MAP2K4: variants seen among roughly 807,000 people sequenced by gnomAD.
The protein encoded by MAP2K4 is mitogen-activated protein kinase kinase 4.
MAP2K4 carries 4 observed loss-of-function variants against 48.5 expected under a neutral mutation model. The observed-to-expected ratio is 0.08, with a 90% CI of 0.04 to 0.19. The LOEUF is 0.19. MAP2K4 is among the 10% of genes least tolerant of loss of function. MAP2K4 has a pLI of 1.00. For missense variants in MAP2K4, 258 were observed against 493.3 expected, an observed-to-expected ratio of 0.52 and a Z score of 4.52; for synonymous variants, 166 against 173.1, an observed-to-expected ratio of 0.96 and a Z score of 0.32.
chr17:12,076,079 A>G (rs925467757), intron 2 of MAP2K4, among the ~76,000 whole-genome samples: 1 of 152,152 alleles, frequency 6.6e-6, no homozygotes, highest in African/African-American at 2.4e-5. Context: ...CACTGCATCT[A>G]ATAGAGGGTG....
At chr17:12,037,317 A>C (rs537866626) in intron 1 of MAP2K4, among the ~76,000 whole-genome samples, 1 of 152,298 alleles carries the variant, frequency 6.6e-6, no homozygotes, top group African/African-American at 2.4e-5. Flanking sequence ...GAAATTTGGG[A>C]AAGATACTAA....
chr17:12,134,247 A>G (rs933937409), intron 9 of MAP2K4, among the ~76,000 whole-genome samples: 24 of 152,268 alleles, frequency 1.6e-4, no homozygotes, highest in African/African-American at 5.3e-4. Context: ...ACTGTGATAA[A>G]GAAAAATCAC....
chr17:12,110,377 T>C lies in MAP2K4; in HGVS notation c.636T>C (p.Thr212=). 1 of 1,609,906 alleles carries C rather than the reference T, an allele frequency of 6.2e-7. No individual in the cohort carries two copies. Among genetic ancestry groups the C allele is most frequent in the Non-Finnish European group, 8.5e-7 (1 of 1,176,670 alleles). The change falls in exon 6 of 11, where the codon ACT becomes ACC. Residue 212 remains threonine, a splice_region_variant and synonymous_variant. Coordinates refer to ENST00000353533, the MANE Select transcript of MAP2K4 (RefSeq NM_003010.4). ...CCATCTCTCCTTTTTCTCCCTAGAC[T>C]GTGAAAGCACTAAACCACTTAAAAG... ...EEILGKITLA[T]VKALNHLKEN...
chr17:12,101,253 GA>G (rs943114384), intron 4 of MAP2K4, among the ~76,000 whole-genome samples: 6 of 151,880 alleles, frequency 4.0e-5, no homozygotes, highest in African/African-American at 9.7e-5. Context: ...ATATATTGAT[GA>G]TTTTTTTTTG....
chr17:12,099,360 A>G (rs1346660577), intron 4 of MAP2K4, among the ~76,000 whole-genome samples: 3 of 152,212 alleles, frequency 2.0e-5, no homozygotes, highest in East Asian at 3.8e-4. Flanking sequence ...ATACCAGTGC[A>G]GATACCTTTT....
intron 2 of MAP2K4, among the ~76,000 whole-genome samples, chr17:12,071,128 A>G (rs1225472444): frequency 6.6e-6 from 1 of 152,092 alleles, no homozygotes; most frequent in Non-Finnish European, 1.5e-5. Context: ...TCCTATAAGG[A>G]TAGTTATTTT....
At chr17:12,030,860 G>A (rs1172703153) in intron 1 of MAP2K4, among the ~76,000 whole-genome samples, 1 of 152,116 alleles carries the variant, frequency 6.6e-6, no homozygotes, top group Non-Finnish European at 1.5e-5. Flanking sequence ...TCCAGTTGTA[G>A]TAGAAGGTGA....
intron 1 of MAP2K4, among the ~76,000 whole-genome samples, chr17:12,036,241 T>A (rs1969594776): frequency 6.6e-6 from 1 of 152,216 alleles, no homozygotes. Flanking sequence ...GAAGTCTGAA[T>A]GTAAGAACAC....
intron 2 of MAP2K4, among the ~76,000 whole-genome samples, chr17:12,070,632 A>G (rs1350647769): frequency 2.6e-5 from 4 of 152,210 alleles, no homozygotes; most frequent in Non-Finnish European, 5.9e-5. Context: ...GTTGCTAGAT[A>G]CCATTTGGTA....
chr17:12,021,734 GAAAAAAAAAAA>G (rs896882494), intron 1 of MAP2K4, among the ~76,000 whole-genome samples: 2 of 99,984 alleles, frequency 2.0e-5, no homozygotes, highest in Admixed American at 1.1e-4. Context: ...CGTGCAGGAA[GAAAAAAAAAAA>G]AAAAAAAAAA....
Position 12,141,716 on chromosome 17 carries a change from A to T in MAP2K4, c.*456A>T, listed in dbSNP as rs959395850. The T allele has an allele frequency of 4.2e-6, 1 of 237,450 alleles. No homozygotes were observed. The highest frequency in any genetic ancestry group is 2.2e-5 in the African/African-American group (1 of 45,436). 14.7% of individuals were successfully genotyped at this position (237,450 alleles called of 1,614,324 possible). On this transcript the variant is annotated 3_prime_UTR_variant, in exon 11 of 11. Transcript: ENST00000353533. ...GAAGAGCTTGCACAGCCAACGAGACACATTGCCTTCTGGAGCTGGGAGACA... is the reference window on the plus strand; with the variant it reads ...GAAGAGCTTGCACAGCCAACGAGACTCATTGCCTTCTGGAGCTGGGAGACA...
chr17:12,077,500 G>A (rs1003984492), intron 2 of MAP2K4, among the ~76,000 whole-genome samples: 3 of 152,166 alleles, frequency 2.0e-5, no homozygotes, highest in Non-Finnish European at 4.4e-5. Flanking sequence ...GCAGGCTAGG[G>A]TTGGTGTAGT....
intron 1 of MAP2K4, among the ~76,000 whole-genome samples, chr17:12,029,916 TA>T (rs796194946): frequency 2.7e-3 from 376 of 139,512 alleles, no homozygotes; most frequent in Middle Eastern, 3.6e-3. Context: ...ACCCTGTCTC[TA>T]AAAAAAAAAA....
chr17:12,134,296 C>G (rs1973133910), intron 9 of MAP2K4, among the ~76,000 whole-genome samples: 1 of 150,144 alleles, frequency 6.7e-6, no homozygotes, highest in Admixed American at 6.6e-5. Flanking sequence ...AGAATTGTAC[C>G]TAAGAAATCT....
At chr17:12,084,970 G>T (rs1282718607) in intron 3 of MAP2K4, among the ~76,000 whole-genome samples, 1 of 152,136 alleles carries the variant, frequency 6.6e-6, no homozygotes, top group African/African-American at 2.4e-5. Context: ...GGGCTTACAA[G>T]CTCAGATGGC....
chr17:12,032,893 G>C (rs1969482313), intron 1 of MAP2K4, among the ~76,000 whole-genome samples: 1 of 152,104 alleles, frequency 6.6e-6, no homozygotes, highest in Admixed American at 6.5e-5. Flanking sequence ...AGGCTGGAGT[G>C]CAGTGGTGCA....
intron 1 of MAP2K4, among the ~76,000 whole-genome samples, chr17:12,030,900 G>T (rs536749929): frequency 6.6e-6 from 1 of 152,116 alleles, no homozygotes; most frequent in Non-Finnish European, 1.5e-5. Flanking sequence ...AGTGGGATGC[G>T]GGGAAGACTT....
intron 2 of MAP2K4, among the ~76,000 whole-genome samples, chr17:12,061,798 A>G (rs1197254401): frequency 2.0e-5 from 3 of 152,186 alleles, no homozygotes; most frequent in Non-Finnish European, 4.4e-5. Flanking sequence ...TTCAATCAGA[A>G]TATTATAAGG....
At chr17:12,069,117 G>A (rs1970707701) in intron 2 of MAP2K4, among the ~76,000 whole-genome samples, 1 of 152,136 alleles carries the variant, frequency 6.6e-6, no homozygotes, top group African/African-American at 2.4e-5. Flanking sequence ...CAGTTGGGAA[G>A]GAATTGTGGT....
Sources: allele counts gnomAD v4.1 joint callset (sites outside exome capture counted in the v4.1 genomes callset), GRCh38; gene constraint gnomAD v4.1.1; transcripts MANE v1.5; gene names NCBI Gene and HGNC (gene_info 2026-07-23, HGNC 2026-07-21).